Variants in RORA observed in about 807,000 individuals in gnomAD.
The protein encoded by RORA is RAR related orphan receptor A.
Under a neutral mutation model 69.5 loss-of-function variants are expected in RORA, and 7 were observed. That is an observed-to-expected ratio of 0.10 (90% CI 0.06 to 0.19). The LOEUF (loss-of-function observed/expected upper bound fraction) is 0.19. Ranked by LOEUF, RORA falls within the 10% of genes least tolerant of loss-of-function variation. The pLI is 1.00. For missense variants in RORA, 457 were observed against 663.0 expected, an observed-to-expected ratio of 0.69 and a Z score of 3.41; for synonymous variants, 261 against 240.8, an observed-to-expected ratio of 1.08 and a Z score of -0.78.
chr15:60,660,907 A>G (rs62003343), intron 2 of RORA, among the ~76,000 whole-genome samples: 13,378 of 152,180 alleles, frequency 0.088, 727 homozygotes, highest in Middle Eastern at 0.17. Context: ...TGCCTGCTGC[A>G]CATGCCCACA....
At chr15:61,134,854 C>T (rs2079221817) in intron 1 of RORA, among the ~76,000 whole-genome samples, 1 of 152,078 alleles carries the variant, frequency 6.6e-6, no homozygotes, top group African/African-American at 2.4e-5. Context: ...CACTCACTCC[C>T]CAATCTTCTA....
At chr15:60,602,103 T>A (rs1369867638) in intron 2 of RORA, among the ~76,000 whole-genome samples, 1 of 152,214 alleles carries the variant, frequency 6.6e-6, no homozygotes, top group Non-Finnish European at 1.5e-5. Context: ...CTGACTTTCA[T>A]AGACCAGAAT....
chr15:60,720,936 G>C (rs1415264913), intron 1 of RORA, among the ~76,000 whole-genome samples: 1 of 152,042 alleles, frequency 6.6e-6, no homozygotes, highest in Non-Finnish European at 1.5e-5. Context: ...CCAGCTCTCG[G>C]TTCAGCCTGG....
At chr15:60,974,911 T>C (rs2140354899) in intron 1 of RORA, among the ~76,000 whole-genome samples, 1 of 152,212 alleles carries the variant, frequency 6.6e-6, no homozygotes, top group African/African-American at 2.4e-5. Flanking sequence ...GAAAAGAGGA[T>C]GGGGAAAGGC....
At chr15:60,820,035 A>T (rs1178546427) in intron 1 of RORA, among the ~76,000 whole-genome samples, 1 of 152,230 alleles carries the variant, frequency 6.6e-6, no homozygotes, top group Non-Finnish European at 1.5e-5. Context: ...ATCCCAAACT[A>T]AAAGTGTTCA....
At chr15:61,101,128 C>CA (rs2078872773) in intron 1 of RORA, among the ~76,000 whole-genome samples, 1 of 152,180 alleles carries the variant, frequency 6.6e-6, no homozygotes, top group Non-Finnish European at 1.5e-5. Flanking sequence ...TACAGAGTCA[C>CA]AGCAACCTGT....
At chr15:61,076,342 T>C (rs1440166029) in intron 1 of RORA, among the ~76,000 whole-genome samples, 1 of 151,858 alleles carries the variant, frequency 6.6e-6, no homozygotes, top group African/African-American at 2.4e-5. Context: ...TCTCACTTAT[T>C]GCTCCACACA....
At chr15:60,802,424 G>C (rs569823489) in intron 1 of RORA, among the ~76,000 whole-genome samples, 20 of 152,262 alleles carry the variant, frequency 1.3e-4, no homozygotes, top group South Asian at 1.0e-3. Context: ...TTTGTTCATT[G>C]TGACTCTGTC....
intron 1 of RORA, among the ~76,000 whole-genome samples, chr15:61,140,915 A>G (rs1159668735): frequency 1.3e-5 from 2 of 152,126 alleles, no homozygotes; most frequent in East Asian, 3.9e-4. Context: ...CAAATAAATA[A>G]ATGAAAAGAG....
At chr15:61,047,167 T>C (rs1897071712) in intron 1 of RORA, among the ~76,000 whole-genome samples, 1 of 152,228 alleles carries the variant, frequency 6.6e-6, no homozygotes, top group Non-Finnish European at 1.5e-5. Flanking sequence ...AGGGCCTTCT[T>C]TGATGCCATG....
chr15:61,025,667 G>A (rs1020552169), intron 1 of RORA, among the ~76,000 whole-genome samples: 4 of 152,190 alleles, frequency 2.6e-5, no homozygotes, highest in Non-Finnish European at 5.9e-5. Context: ...ACACGGTTCT[G>A]AGTTTAAAAG....
At chr15:60,891,323 T>G (rs1337238286) in intron 1 of RORA, among the ~76,000 whole-genome samples, 1 of 152,216 alleles carries the variant, frequency 6.6e-6, no homozygotes, top group Non-Finnish European at 1.5e-5. Context: ...TGTGTGCATG[T>G]GTGCAGTGGG....
At chr15:60,943,889 A>G (rs1396484062) in intron 1 of RORA, among the ~76,000 whole-genome samples, 1 of 126,918 alleles carries the variant, frequency 7.9e-6, no homozygotes, top group Non-Finnish European at 1.6e-5. Flanking sequence ...GCACTCCAAC[A>G]TGGGTGACAG....
At chr15:60,877,900 C>T (rs942453337) in intron 1 of RORA, among the ~76,000 whole-genome samples, 3 of 152,036 alleles carry the variant, frequency 2.0e-5, no homozygotes, top group Admixed American at 6.5e-5. Context: ...TAATGAGACC[C>T]GATTTGGATT....
chr15:60,659,424 G>GCCTTAATGA (rs1448773326), intron 2 of RORA, among the ~76,000 whole-genome samples: 1 of 152,108 alleles, frequency 6.6e-6, no homozygotes, highest in Non-Finnish European at 1.5e-5. Flanking sequence ...TCAAATCTAG[G>GCCTTAATGA]CCTTAATGAC....
intron 1 of RORA, among the ~76,000 whole-genome samples, chr15:61,053,663 C>T (rs1285139501): frequency 6.6e-6 from 1 of 151,672 alleles, no homozygotes; most frequent in African/African-American, 2.4e-5. Context: ...CCTGGGTATG[C>T]GGTCTTTGAG....
At chr15:61,032,404 C>T (rs1480153075) in intron 1 of RORA, among the ~76,000 whole-genome samples, 1 of 152,192 alleles carries the variant, frequency 6.6e-6, no homozygotes, top group Non-Finnish European at 1.5e-5. Context: ...TGGCTAAACT[C>T]ACAACCTTGA....
intron 2 of RORA, among the ~76,000 whole-genome samples, chr15:60,635,301 A>G (rs1432515095): frequency 6.6e-6 from 1 of 152,178 alleles, no homozygotes; most frequent in Non-Finnish European, 1.5e-5. Flanking sequence ...CCTTAGGGTG[A>G]TGGTAGTGTA....
intron 2 of RORA, among the ~76,000 whole-genome samples, chr15:60,551,907 T>G (rs545325469): frequency 6.6e-6 from 1 of 152,310 alleles, no homozygotes; most frequent in South Asian, 2.1e-4. Flanking sequence ...ACCTCCTCAT[T>G]TCACAGAGAA....
Sources: gnomAD v4.1 joint callset for allele counts (sites outside exome capture counted in the v4.1 genomes callset) on GRCh38, gnomAD v4.1.1 for gene constraint, MANE v1.5 for transcripts, NCBI Gene and HGNC (gene_info 2026-07-23, HGNC 2026-07-21) for gene names.